Variants in NAALADL2 observed in about 807,000 individuals in gnomAD.
NAALADL2 encodes the protein inactive N-acetylated-alpha-linked acidic dipeptidase-like protein 2.
Under a neutral mutation model 87.2 loss-of-function variants are expected in NAALADL2, and 76 were observed. The ratio of observed to expected loss-of-function variants is 0.87; its 90% confidence interval spans 0.72 to 1.05. The LOEUF (loss-of-function observed/expected upper bound fraction) is 1.05, where lower values mean the gene tolerates loss of function less well. Among genes scored for constraint, NAALADL2 ranks in the 50% least tolerant of loss-of-function variants. The probability of loss-of-function intolerance (pLI) is 0.00; values close to 1 mark genes in which losing one functional copy is unlikely to be tolerated. For missense variants in NAALADL2, 1,089 were observed against 945.8 expected (o/e 1.15, Z -1.99); for synonymous variants, 354 against 331.0 (o/e 1.07, Z -0.75).
chr3:174,691,411 C>CA (rs995938583), intron 2 of NAALADL2, among the ~76,000 whole-genome samples: 6 of 140,412 alleles, frequency 4.3e-5, no homozygotes, highest in African/African-American at 1.6e-4. Context: ...GACTCTGTCT[C>CA]AAAAAAAATA....
chr3:175,513,485 G>A (rs1232510987), intron 9 of NAALADL2, among the ~76,000 whole-genome samples: 1 of 152,050 alleles, frequency 6.6e-6, no homozygotes, highest in African/African-American at 2.4e-5. Flanking sequence ...CCAATAATGT[G>A]CATATTCTGA....
chr3:174,847,967 CAA>C, intron 3 of NAALADL2, among the ~76,000 whole-genome samples: 5 of 151,052 alleles, frequency 3.3e-5, no homozygotes, highest in African/African-American at 1.2e-4. Context: ...ATAATGTCTT[CAA>C]TGATTGTGTA....
intron 1 of NAALADL2, among the ~76,000 whole-genome samples, chr3:174,936,560 G>T (rs1737717548): frequency 6.6e-6 from 1 of 152,076 alleles, no homozygotes; most frequent in African/African-American, 2.4e-5. Flanking sequence ...GTTCTGTAGT[G>T]AAGGCCCATC....
chr3:175,768,553 A>G (rs1211143999), intron 13 of NAALADL2, among the ~76,000 whole-genome samples: 1 of 150,806 alleles, frequency 6.6e-6, no homozygotes, highest in Non-Finnish European at 1.5e-5. Context: ...AAATTCGGCC[A>G]GGCATTTGTT....
At chr3:175,172,687 G>C (rs1735023321) in intron 2 of NAALADL2, among the ~76,000 whole-genome samples, 1 of 152,098 alleles carries the variant, frequency 6.6e-6, no homozygotes, top group Non-Finnish European at 1.5e-5. Context: ...TAGGTGGTAA[G>C]ATACTAATTA....
At chr3:175,647,420 A>T (rs1323439467) in intron 11 of NAALADL2, among the ~76,000 whole-genome samples, 1 of 152,196 alleles carries the variant, frequency 6.6e-6, no homozygotes, top group Non-Finnish European at 1.5e-5. Flanking sequence ...AGTTTTCCTC[A>T]TTAAAATATA....
intron 2 of NAALADL2, among the ~76,000 whole-genome samples, chr3:174,558,681 G>A (rs1213863970): frequency 6.6e-6 from 1 of 152,150 alleles, no homozygotes; most frequent in East Asian, 1.9e-4. Context: ...TGTAAATACA[G>A]ATGAAGCTTT....
intron 2 of NAALADL2, among the ~76,000 whole-genome samples, chr3:175,232,309 A>T (rs775865537): frequency 1.1e-4 from 17 of 152,152 alleles, no homozygotes; most frequent in Non-Finnish European, 2.2e-4. Flanking sequence ...AGCTTCACAA[A>T]GATAGGAGAT....
intron 3 of NAALADL2, among the ~76,000 whole-genome samples, chr3:175,244,318 C>T (rs971294066): frequency 6.6e-6 from 1 of 152,094 alleles, no homozygotes; most frequent in African/African-American, 2.4e-5. Flanking sequence ...CTCTTTTACA[C>T]TAATTTATTT....
intron 1 of NAALADL2, among the ~76,000 whole-genome samples, chr3:174,502,836 C>T (rs376799433): frequency 2.6e-5 from 4 of 152,098 alleles, no homozygotes; most frequent in South Asian, 4.2e-4. Flanking sequence ...CGAGACCAGC[C>T]TGGCCAACAT....
chr3:175,400,822 A>C (rs1036410915), intron 5 of NAALADL2, among the ~76,000 whole-genome samples: 1 of 152,148 alleles, frequency 6.6e-6, no homozygotes, highest in Non-Finnish European at 1.5e-5. Flanking sequence ...CTGGGCCTAG[A>C]CAAAGCCTTA....
intron 5 of NAALADL2, among the ~76,000 whole-genome samples, chr3:175,399,871 C>T (rs188744432): frequency 7.2e-5 from 11 of 152,184 alleles, no homozygotes; most frequent in Admixed American, 2.6e-4. Context: ...TGCCCACTTT[C>T]CTTTTGGTGT....
At chr3:175,217,640 T>G (rs1742756887) in intron 2 of NAALADL2, among the ~76,000 whole-genome samples, 1 of 152,214 alleles carries the variant, frequency 6.6e-6, no homozygotes, top group South Asian at 2.1e-4. Flanking sequence ...GTAACATTAT[T>G]AGGGCTGTGA....
intron 9 of NAALADL2, among the ~76,000 whole-genome samples, chr3:175,495,897 G>A (rs771567993): frequency 1.3e-5 from 2 of 151,908 alleles, no homozygotes; most frequent in Non-Finnish European, 2.9e-5. Context: ...ATTTCATCCA[G>A]TGTGCTAGTT....
chr3:175,102,159 A>C (rs973315149), intron 2 of NAALADL2, among the ~76,000 whole-genome samples: 1 of 152,246 alleles, frequency 6.6e-6, no homozygotes, highest in Admixed American at 6.5e-5. Context: ...CATGTAATTT[A>C]ACCTATTTCT....
intron 1 of NAALADL2, among the ~76,000 whole-genome samples, chr3:175,072,692 G>A (rs1715872511): frequency 1.0e-5 from 1 of 96,442 alleles, no homozygotes; most frequent in Non-Finnish European, 1.9e-5. Flanking sequence ...GAAAAACGGG[G>A]TGGGGGGAGG....
At chr3:175,362,372 A>C (rs1765123746) in intron 5 of NAALADL2, among the ~76,000 whole-genome samples, 1 of 147,630 alleles carries the variant, frequency 6.8e-6, no homozygotes, top group South Asian at 2.2e-4. Context: ...TTCCATATGA[A>C]CTTTAAAGTA....
intron 5 of NAALADL2, among the ~76,000 whole-genome samples, chr3:175,341,682 G>A (rs1762583673): frequency 6.6e-6 from 1 of 152,038 alleles, no homozygotes; most frequent in Admixed American, 6.6e-5. Flanking sequence ...TTATTTTTCT[G>A]TTGTGGTTTG....
At chr3:175,523,726 A>T (rs976143991) in intron 9 of NAALADL2, among the ~76,000 whole-genome samples, 3 of 152,124 alleles carry the variant, frequency 2.0e-5, no homozygotes, top group African/African-American at 7.2e-5. Context: ...AGGCAAAACT[A>T]ATTCTGATTG....
Sources: allele counts gnomAD v4.1 joint callset (sites outside exome capture counted in the v4.1 genomes callset), GRCh38; gene constraint gnomAD v4.1.1; transcripts MANE v1.5; gene names NCBI Gene and HGNC (gene_info 2026-07-23, HGNC 2026-07-21).